Variants in RASSF3 observed in about 807,000 individuals in gnomAD.
The protein encoded by RASSF3 is ras association domain-containing protein 3.
Under a neutral mutation model 19.9 loss-of-function variants are expected in RASSF3, and 19 were observed. That is an observed-to-expected ratio of 0.96 (90% CI 0.67 to 1.40). The LOEUF (loss-of-function observed/expected upper bound fraction) is 1.40. Ranked by LOEUF, RASSF3 falls within the 40% of genes most tolerant of loss-of-function variation. The pLI is 0.00. For missense variants in RASSF3, 306 were observed against 289.8 expected (o/e 1.06, Z -0.41); for synonymous variants, 110 against 104.2 (o/e 1.06, Z -0.34).
chr12:64,684,757 C>A, intron 1 of RASSF3, 30 bp from the exon 2 acceptor site: 1 of 1,474,142 alleles, frequency 6.8e-7, no homozygotes, highest in Non-Finnish European at 9.5e-7. Flanking sequence ...TATGATTGCT[C>A]ACATGTGACA....
chr12:64,678,326 A>AGAT (rs1310293130), intron 1 of RASSF3, among the ~76,000 whole-genome samples: 1 of 152,238 alleles, frequency 6.6e-6, no homozygotes, highest in African/African-American at 2.4e-5. Context: ...AGAGACGATG[A>AGAT]GATGAAAAGT....
At chr12:64,592,067 A>G (rs1276659745) in intron 2 of RASSF3, among the ~76,000 whole-genome samples, 4 of 151,876 alleles carry the variant, frequency 2.6e-5, no homozygotes, top group Admixed American at 1.3e-4. Flanking sequence ...TGCCTGGCTA[A>G]TTTTTGTAAT....
intron 1 of RASSF3, among the ~76,000 whole-genome samples, chr12:64,622,342 G>A (rs923622602): frequency 1.7e-4 from 25 of 151,428 alleles, no homozygotes; most frequent in African/African-American, 6.1e-4. Context: ...TTACAGGTGT[G>A]AGCCACCGTG....
intron 2 of RASSF3, among the ~76,000 whole-genome samples, chr12:64,570,024 G>T (rs1592403914): frequency 6.6e-6 from 1 of 152,058 alleles, no homozygotes. Flanking sequence ...AAAAATATCG[G>T]GTCTGCCTAT....
At chr12:64,630,809 C>G (rs76512833) in intron 1 of RASSF3, among the ~76,000 whole-genome samples, 3,169 of 152,078 alleles carry the variant, frequency 0.021, 54 homozygotes, top group Non-Finnish European at 0.029. Flanking sequence ...GGTTTGGGAG[C>G]CTTGGAAGAT....
intron 1 of RASSF3, among the ~76,000 whole-genome samples, chr12:64,641,994 G>A (rs950242345): frequency 4.0e-5 from 6 of 151,852 alleles, no homozygotes; most frequent in African/African-American, 1.5e-4. Context: ...CGCCTATCTT[G>A]GCCTCCCAAA....
At chr12:64,622,005 T>C (rs912991414) in intron 1 of RASSF3, among the ~76,000 whole-genome samples, 1 of 152,174 alleles carries the variant, frequency 6.6e-6, no homozygotes, top group African/African-American at 2.4e-5. Flanking sequence ...TTTCAATAAA[T>C]TTAGGGCTTG....
At chr12:64,616,779 C>G (rs1308578157) in intron 1 of RASSF3, among the ~76,000 whole-genome samples, 2 of 152,152 alleles carry the variant, frequency 1.3e-5, no homozygotes, top group Non-Finnish European at 2.9e-5. Flanking sequence ...TATTACAAGG[C>G]CCCGCTTATT....
chr12:64,668,984 A>G (rs1266812163), intron 1 of RASSF3, among the ~76,000 whole-genome samples: 1 of 152,058 alleles, frequency 6.6e-6, no homozygotes, highest in African/African-American at 2.4e-5. Context: ...TTGATTTTTT[A>G]GGAGGAAAAA....
rs115637947 is a variant in RASSF3 at position 64,526,146 on chromosome 12, C to T, written c.170-15435C>T. ...AGGGCCAGGATTTCTGGAGAAGGGACTATGTATCTACATTTTTATTTACTT... is the reference window on the plus strand; with the variant it reads ...AGGGCCAGGATTTCTGGAGAAGGGATTATGTATCTACATTTTTATTTACTT... On this transcript the variant is annotated intron_variant, in intron 1 of 5. Coordinates refer to the RASSF3 transcript ENST00000637125. Among the ~76,000 whole-genome samples, 1,059 of 152,270 alleles carry T rather than the reference C, an allele frequency of 7.0e-3. 8 individuals are homozygous for T. Among genetic ancestry groups the T allele is most frequent in the African/African-American group, 0.024 (990 of 41,550 alleles).
chr12:64,573,028 C>T (rs1159425502), intron 2 of RASSF3, among the ~76,000 whole-genome samples: 1 of 152,160 alleles, frequency 6.6e-6, no homozygotes, highest in Non-Finnish European at 1.5e-5. Flanking sequence ...AACCACTGTA[C>T]CCAGCCCAAA....
chr12:64,647,870 C>T (rs942689802), intron 1 of RASSF3, among the ~76,000 whole-genome samples: 2 of 152,064 alleles, frequency 1.3e-5, no homozygotes, highest in African/African-American at 2.4e-5. Flanking sequence ...GTTTTTAGGC[C>T]CTTTGAGGCT....
intron 1 of RASSF3, among the ~76,000 whole-genome samples, chr12:64,661,677 C>CTTTTTTT (rs71092993): frequency 5.2e-4 from 41 of 78,970 alleles, no homozygotes; most frequent in Middle Eastern, 6.8e-3. Context: ...TTTTCTTTTT[C>CTTTTTTT]TTTTTTTTTT....
intron 1 of RASSF3, among the ~76,000 whole-genome samples, chr12:64,620,222 C>G (rs1374226236): frequency 1.3e-5 from 2 of 152,016 alleles, no homozygotes; most frequent in Non-Finnish European, 2.9e-5. Flanking sequence ...GCTTAGTTTA[C>G]TTAGCTTGAT....
chr12:64,507,263 T>C (rs1036751065), exon 1 of RASSF3: 10 of 398,680 alleles, frequency 2.5e-5, no homozygotes, highest in African/African-American at 1.8e-4. Flanking sequence ...GCTCTTTTAC[T>C]GGTTCCCCAA....
At chr12:64,556,222 G>A (rs778084099) in intron 2 of RASSF3, among the ~76,000 whole-genome samples, 3 of 152,166 alleles carry the variant, frequency 2.0e-5, no homozygotes, top group Middle Eastern at 3.4e-3. Context: ...TGCAGTGGCC[G>A]TGATCATGGC....
intron 2 of RASSF3, among the ~76,000 whole-genome samples, chr12:64,587,758 T>C (rs1461990465): frequency 6.6e-6 from 1 of 152,212 alleles, no homozygotes; most frequent in African/African-American, 2.4e-5. Context: ...TTGTTTTTTA[T>C]GATTCCCACC....
At chr12:64,517,546 C>T (rs1395870908) in intron 1 of RASSF3, among the ~76,000 whole-genome samples, 1 of 151,734 alleles carries the variant, frequency 6.6e-6, no homozygotes, top group Non-Finnish European at 1.5e-5. Context: ...GAACAGGTTG[C>T]AGGGCAAGAT....
chr12:64,533,694 A>G (rs1182361470), intron 1 of RASSF3: 3 of 152,230 alleles, frequency 2.0e-5, no homozygotes, highest in African/African-American at 7.2e-5. Context: ...TATTTTGACC[A>G]GTTATAAATA....
Sources: allele counts gnomAD v4.1 joint callset (sites outside exome capture counted in the v4.1 genomes callset), GRCh38; gene constraint gnomAD v4.1.1; transcripts MANE v1.5; gene names NCBI Gene and HGNC (gene_info 2026-07-23, HGNC 2026-07-21).